PRKD2: variants seen among roughly 807,000 people sequenced by gnomAD.
The protein encoded by PRKD2 is protein kinase D2.
PRKD2 carries 22 observed loss-of-function variants against 86.0 expected under a neutral mutation model. That is an observed-to-expected ratio of 0.26 (90% CI 0.18 to 0.37). The LOEUF (loss-of-function observed/expected upper bound fraction) is 0.37. PRKD2 is among the 10% of genes least tolerant of loss of function. PRKD2 has a pLI of 1.00. For synonymous variants in PRKD2, 509 were observed against 510.9 expected (o/e 1.00, Z 0.05); for missense variants, 818 against 1,199.2 (o/e 0.68, Z 4.70).
At chr19:46,697,080 C>T in intron 9 of PRKD2, 77 bp downstream of exon 9, 1 of 1,171,864 alleles carries the variant, frequency 8.5e-7, no homozygotes, top group Non-Finnish European at 1.3e-6. Context: ...TCTGGAGTAA[C>T]TGGGGGTAGG....
At chr19:46,680,942 A>C (rs1013513561) in intron 15 of PRKD2, among the ~76,000 whole-genome samples, 11 of 48,176 alleles carry the variant, frequency 2.3e-4, no homozygotes, top group Non-Finnish European at 3.9e-4. Context: ...ATATATATAT[A>C]TATATTTTTT....
chr19:46,707,117 C>G (rs2122134083), intron 3 of PRKD2, among the ~76,000 whole-genome samples: 1 of 151,254 alleles, frequency 6.6e-6, no homozygotes, highest in South Asian at 2.2e-4. Context: ...TGGTCTCTAA[C>G]TCCTGACCTC....
In PRKD2 at chr19:46,693,707, G is replaced by T. The variant is rs904273006; in HGVS notation, c.1576+168C>A. 1.3e-5 allele frequency among the ~76,000 whole-genome samples: 2 copies of T among 152,208 alleles called. No individual in the cohort carries two copies. Among genetic ancestry groups the T allele is most frequent in the African/African-American group, 4.8e-5 (2 of 41,450 alleles). ...CCCTCCTTGGCTTCCCAAAGCGCTG[G>T]GATTAACAGGAGTGATTAACAGAGT... On this transcript the variant is annotated intron_variant, in intron 10 of 17. Coordinates refer to ENST00000291281, the MANE Select transcript of PRKD2 (RefSeq NM_016457.5). The surrounding 1 kb of genome is among the most constrained non-coding windows in gnomAD (Gnocchi z 4.5).
intron 16 of PRKD2, among the ~76,000 whole-genome samples, chr19:46,675,679 A>G (rs1362530595): frequency 6.6e-6 from 1 of 152,160 alleles, no homozygotes; most frequent in Non-Finnish European, 1.5e-5. Flanking sequence ...TCCTGACCTC[A>G]AGCAATCCGC....
At chr19:46,701,654 T>G (rs1037153131) in intron 5 of PRKD2, among the ~76,000 whole-genome samples, 16 of 102,028 alleles carry the variant, frequency 1.6e-4, no homozygotes, top group Non-Finnish European at 2.8e-4. Context: ...GCGCCCGACT[T>G]GTGTGTGTGT....
intron 3 of PRKD2, 118 bp downstream of exon 3, chr19:46,710,789 G>C: frequency 8.9e-7 from 1 of 1,117,404 alleles, no homozygotes; most frequent in Non-Finnish European, 1.2e-6. Flanking sequence ...CCTAGGCTGC[G>C]CCCCCAGCTC....
intron 15 of PRKD2, among the ~76,000 whole-genome samples, chr19:46,679,571 T>G (rs934229124): frequency 6.6e-6 from 1 of 152,020 alleles, no homozygotes; most frequent in Non-Finnish European, 1.5e-5. Flanking sequence ...TAGGTAGGAG[T>G]GGGTGCTGAC....
chr19:46,716,614 T>C lies in PRKD2; in HGVS notation c.-244A>G, dbSNP rs1036369806. The C allele has an allele frequency of 2.7e-6, 1 of 366,774 alleles. No homozygotes were observed. The highest frequency in any genetic ancestry group is 2.1e-5 in the African/African-American group (1 of 46,800). The allele number at this position is 366,774 out of a possible 1,614,324, so 22.7% of individuals were successfully genotyped here. ...CCCAGAAGATCAGAAAGGAGAAAAGTAGTGGGTTGGAGGTCCCAGCGATTG... is the reference window on the plus strand; with the variant it reads ...CCCAGAAGATCAGAAAGGAGAAAAGCAGTGGGTTGGAGGTCCCAGCGATTG... On this transcript the variant is annotated 5_prime_UTR_variant, in exon 1 of 18. Coordinates refer to ENST00000291281, the MANE Select transcript of PRKD2 (RefSeq NM_016457.5). This position sits in a 1 kb window ranked among gnomAD's most constrained non-coding sequence, Gnocchi z 7.9.
chr19:46,693,735 G>A lies in PRKD2; in HGVS notation c.1576+140C>T. 1 of 1,289,598 alleles carries A rather than the reference G, an allele frequency of 7.8e-7. No individual in the cohort carries two copies. Among genetic ancestry groups the A allele is most frequent in the South Asian group, 1.4e-5 (1 of 69,022 alleles). 79.9% of individuals were successfully genotyped at this position (1,289,598 alleles called of 1,614,324 possible). A position where few individuals can be genotyped will look rare whatever the true frequency, so the allele number is the denominator to read the frequency against. On this transcript the variant is annotated intron_variant, in intron 10 of 17. Coordinates refer to ENST00000291281, the MANE Select transcript of PRKD2 (RefSeq NM_016457.5). This position sits in a 1 kb window ranked among gnomAD's most constrained non-coding sequence, Gnocchi z 4.5. Reference sequence around the variant, plus strand: ...TTAACAGGAGTGATTAACAGAGTTTGAACCCAGGCCTGCTGAGTCCAGAAG... The same window carrying A: ...TTAACAGGAGTGATTAACAGAGTTTAAACCCAGGCCTGCTGAGTCCAGAAG...
Position 46,690,718 on chromosome 19 carries a change from G to A in PRKD2, c.1703-12C>T. The A allele has an allele frequency of 6.2e-7, 1 of 1,612,504 alleles. No homozygotes were observed. Among genetic ancestry groups the A allele is most frequent in the Non-Finnish European group, 8.5e-7 (1 of 1,178,656 alleles). ...CTTCCGGTGTTTTCCTGCACAGGGA[G>A]TAGAAGAGATGGGGGATGAGAGAGC... On this transcript the variant is annotated splice_polypyrimidine_tract_variant and intron_variant, in intron 12 of 17. Coordinates refer to ENST00000291281, the MANE Select transcript of PRKD2 (RefSeq NM_016457.5).
At position 46,689,519 on chromosome 19, in the gene PRKD2, C is replaced by A. The variant is rs1320044413; in HGVS notation, c.1971+18G>T. 2 of 1,579,436 alleles carry A rather than the reference C, an allele frequency of 1.3e-6. No homozygotes were observed. Among genetic ancestry groups the A allele is most frequent in the Non-Finnish European group, 1.7e-6 (2 of 1,162,952 alleles). On this transcript the variant is annotated intron_variant, in intron 14 of 17. Transcript: ENST00000291281. ...CCTGATGGGGAGGGGCGGGTGGCAG[C>A]GGGCAGGGCAGACGCACCTGGGTGA...
chr19:46,684,913 AG>A (rs1480283846), intron 14 of PRKD2, among the ~76,000 whole-genome samples: 2 of 149,966 alleles, frequency 1.3e-5, no homozygotes, highest in African/African-American at 4.9e-5. Flanking sequence ...CAGTGAGCTG[AG>A]ATAGCGCCAC....
Position 46,680,946 on chromosome 19 carries a change from A to ATATATATATATATATATT in PRKD2, c.2070+703_2070+704insAATATATATATATATATA. On this transcript the variant is annotated intron_variant, in intron 15 of 17. Transcript: ENST00000291281. ...AAACTATATATATATATATATATATATTTTTTTTTTTTTTTTTGAGACAGA... is the reference window on the plus strand; with the variant it reads ...AAACTATATATATATATATATATATATATATATATATATATATTTTTTTTTTTTTTTTTTTGAGACAGA... Among the ~76,000 whole-genome samples the ATATATATATATATATATT allele has an allele frequency of 8.3e-3, 402 of 48,178 alleles. 6 individuals carry two copies. Among genetic ancestry groups the ATATATATATATATATATT allele is most frequent in the Middle Eastern group, 0.023 (1 of 44 alleles). 31.6% of individuals were successfully genotyped at this position (48,178 alleles called of 152,430 possible).
At chr19:46,690,810 G>A in intron 12 of PRKD2, 104 bp from the exon 13 acceptor site, 1 of 1,056,348 alleles carries the variant, frequency 9.5e-7, no homozygotes, top group Non-Finnish European at 1.4e-6. Context: ...CATGGAGACA[G>A]CCAGAGTTGG....
chr19:46,704,212 C>A lies in PRKD2; in HGVS notation c.846G>T (p.Lys282Asn). ...GCCGGAAGAGGCCCTTGAGGAGTTT[C>A]TTGCAAGCCTGGCAAACGGTGGGCC... ...YTRPTVCQAC[K>N]KLLKGLFRQG... Residue 282 changes from lysine (K) to asparagine (N), a missense_variant, in exon 5 of 18, where the codon AAG (lysine) becomes AAT (asparagine). Lys to Asn is a moderately conservative substitution (Grantham distance 94, BLOSUM62 0). Transcript: ENST00000291281. 6.2e-7 allele frequency: 1 copy of A among 1,614,204 alleles called. No homozygotes were observed. The highest frequency in any genetic ancestry group is 8.5e-7 in the Non-Finnish European group (1 of 1,180,020).
intron 5 of PRKD2, among the ~76,000 whole-genome samples, chr19:46,701,823 G>C (rs1339496140): frequency 6.6e-6 from 1 of 151,830 alleles, no homozygotes; most frequent in Non-Finnish European, 1.5e-5. Context: ...CTGCATCTCT[G>C]ACTTCTACCT....
intron 8 of PRKD2, 84 bp from the exon 9 acceptor site, chr19:46,697,318 T>C: frequency 8.7e-6 from 9 of 1,029,626 alleles, no homozygotes; most frequent in African/African-American, 3.2e-5. Context: ...GGGCTCCAGG[T>C]GCCTGGAGCA....
chr19:46,686,507 T>C (rs927409426), intron 14 of PRKD2, among the ~76,000 whole-genome samples: 39 of 146,970 alleles, frequency 2.7e-4, no homozygotes, highest in African/African-American at 9.6e-4. Flanking sequence ...AAAAATTAGC[T>C]GGACGTGGTG....
intron 14 of PRKD2, among the ~76,000 whole-genome samples, chr19:46,688,179 C>T (rs866487006): frequency 1.3e-5 from 2 of 151,952 alleles, no homozygotes; most frequent in Non-Finnish European, 2.9e-5. Context: ...CATGAGCCAG[C>T]CTGTTTTTGA....
Sources: gnomAD v4.1 joint callset for allele counts (sites outside exome capture counted in the v4.1 genomes callset) on GRCh38, gnomAD v4.1.1 for gene constraint, Gnocchi (gnomAD v3.1) non-coding constraint, MANE v1.5 for transcripts, NCBI Gene and HGNC (gene_info 2026-07-23, HGNC 2026-07-21) for gene names.